FRMD1: variants seen among roughly 807,000 people sequenced by gnomAD.
FRMD1 encodes FERM domain-containing protein 1.
Under a neutral mutation model 54.9 loss-of-function variants are expected in FRMD1, and 51 were observed. That is an observed-to-expected ratio of 0.93 (90% CI 0.74 to 1.17). The LOEUF (loss-of-function observed/expected upper bound fraction) is 1.17, where lower values mean the gene tolerates loss of function less well. FRMD1 is among the 50% of genes most tolerant of loss of function. The pLI, the probability that FRMD1 is intolerant of heterozygous loss-of-function variation, is 0.00. For missense variants in FRMD1, 729 were observed against 743.0 expected, an observed-to-expected ratio of 0.98 and a Z score of 0.22; for synonymous variants, 324 against 306.4, an observed-to-expected ratio of 1.06 and a Z score of -0.60.
At position 168,063,769 on chromosome 6, in the gene FRMD1, C is replaced by A; in HGVS notation, c.649-13G>T. ...TCTTGGTGATGATCTGAGGACAGAG[C>A]CGGGAGGTCAGCTCAGACCCCTGCT... On this transcript the variant is annotated splice_polypyrimidine_tract_variant and intron_variant, in intron 5 of 10. Transcript: ENST00000283309. 2 of 1,604,754 alleles carry A rather than the reference C, an allele frequency of 1.2e-6. No individual in the cohort carries two copies. Among genetic ancestry groups the A allele is most frequent in the Non-Finnish European group, 1.7e-6 (2 of 1,175,282 alleles).
chr6:168,091,034 G>C (rs1801008019), intron 1 of FRMD1, among the ~76,000 whole-genome samples: 1 of 152,216 alleles, frequency 6.6e-6, no homozygotes, highest in South Asian at 2.1e-4. Context: ...TGGGCTCCGT[G>C]GGGAGAAGGT....
intron 4 of FRMD1, 166 bp from the exon 5 acceptor site, chr6:168,065,223 C>G: frequency 7.1e-7 from 1 of 1,409,858 alleles, no homozygotes; most frequent in South Asian, 1.6e-5. Context: ...AGGGCCAGCA[C>G]GGCACAGGCC....
intron 2 of FRMD1, among the ~76,000 whole-genome samples, chr6:168,070,890 C>A (rs1800274194): frequency 6.6e-6 from 1 of 152,216 alleles, no homozygotes; most frequent in Non-Finnish European, 1.5e-5. Flanking sequence ...ACAGGCTCCC[C>A]TGAACCCAGC....
rs200901699 is a variant in FRMD1 at position 168,060,923 on chromosome 6, C to T, written c.1180G>A (p.Gly394Ser). 2.8e-5 allele frequency: 45 copies of T among 1,613,764 alleles called. No individual in the cohort carries two copies. Among genetic ancestry groups the T allele is most frequent in the African/African-American group, 1.3e-4 (10 of 75,058 alleles). Reference protein sequence around the residue: ...CLSRHSADSHGSSYTSGIKAN... With the variant: ...CLSRHSADSHSSSYTSGIKAN... ...TTGATGCCTGACGTGTAGGAACTGC[C>T]GTGGCTGTCGGCGGAGTGGCGTGAG... The change falls in exon 9 of 11, where the codon GGC becomes AGC. Residue 394 changes from glycine to serine, a missense_variant. Gly to Ser is a moderately conservative substitution (Grantham distance 56). Transcript: ENST00000283309.
At chr6:168,075,685 G>T in intron 1 of FRMD1, 1 of 1,397,480 alleles carries the variant, frequency 7.2e-7, no homozygotes, top group East Asian at 2.5e-5. Flanking sequence ...CTCTGTCCTC[G>T]CACGGCACAA....
chr6:168,089,064 C>T (rs1054238742), intron 1 of FRMD1, among the ~76,000 whole-genome samples: 3 of 152,246 alleles, frequency 2.0e-5, no homozygotes, highest in Non-Finnish European at 2.9e-5. Flanking sequence ...TAACTTCATC[C>T]CAGGGCTGGC....
intron 5 of FRMD1, 143 bp from the exon 6 acceptor site, chr6:168,063,899 C>G: frequency 8.6e-6 from 8 of 932,774 alleles, no homozygotes; most frequent in Non-Finnish European, 1.2e-5. Context: ...GCTGCTGAGC[C>G]CAGAACCAGA....
At position 168,062,901 on chromosome 6, in the gene FRMD1, A is replaced by T; in HGVS notation, c.863T>A (p.Ile288Asn). The change falls in exon 7 of 11, where the codon ATC becomes AAC. Residue 288 changes from isoleucine to asparagine, a missense_variant. Transcript: ENST00000283309. ...ILGLALRGVH[I>N]YQGKKLEIQL... ...TGGAGCCCCTTCGGTCACCTGGTAG[A>T]TGTGCACTCCCCTGAGGGCCAGTCC... is the stretch of plus-strand genomic sequence containing the variant. The T allele has an allele frequency of 6.2e-7, 1 of 1,613,786 alleles. No individual in the cohort carries two copies. The highest frequency in any genetic ancestry group is 1.1e-5 in the South Asian group (1 of 91,058).
Position 168,064,865 on chromosome 6 carries a change from C to T in FRMD1, c.648+6G>A. 1 of 1,555,436 alleles carries T rather than the reference C, an allele frequency of 6.4e-7. No individual in the cohort carries two copies. The highest frequency in any genetic ancestry group is 8.7e-7 in the Non-Finnish European group (1 of 1,149,632). On this transcript the variant is annotated splice_donor_region_variant and intron_variant, in intron 5 of 10. Coordinates refer to ENST00000283309, the MANE Select transcript of FRMD1 (RefSeq NM_024919.6). ...AGTGCTGGGAGGAGGTGGGCCCTGA[C>T]CTTACCCACTGTGGGAAGTAGGAGT... is the stretch of plus-strand genomic sequence containing the variant.
chr6:168,067,356 T>C lies in FRMD1; in HGVS notation c.384+11A>G, dbSNP rs752494418. ...GTGCCTGCCCTCTCCCACCCGACAC[T>C]CTACACTTACTTCATTTCTTTCTTT... On this transcript the variant is annotated intron_variant, in intron 3 of 10. Coordinates refer to ENST00000283309, the MANE Select transcript of FRMD1 (RefSeq NM_024919.6). 1.3e-5 allele frequency: 20 copies of C among 1,573,680 alleles called. No individual in the cohort carries two copies. Among genetic ancestry groups the C allele is most frequent in the Non-Finnish European group, 1.7e-5 (20 of 1,153,478 alleles).
chr6:168,061,490 C>G (rs144372597), intron 8 of FRMD1, among the ~76,000 whole-genome samples: 1,783 of 152,318 alleles, frequency 0.012, 37 homozygotes, highest in African/African-American at 0.041. Context: ...GAGGCCTTGT[C>G]GGAACCTGCA....
intron 1 of FRMD1, among the ~76,000 whole-genome samples, chr6:168,090,819 T>A (rs1873340): frequency 6.6e-6 from 1 of 152,156 alleles, no homozygotes; most frequent in African/African-American, 2.4e-5. Context: ...GGTGCTTCCA[T>A]GTGATTCTCA....
intron 2 of FRMD1, among the ~76,000 whole-genome samples, chr6:168,074,179 C>T (rs375647296): frequency 3.9e-5 from 6 of 152,238 alleles, no homozygotes; most frequent in South Asian, 2.1e-4. Context: ...CTCTTCCATG[C>T]GACACAATCC....
At chr6:168,084,721 T>C (rs898370210), upstream of FRMD1, among the ~76,000 whole-genome samples, 1 of 152,236 alleles carries the variant, frequency 6.6e-6, no homozygotes, top group Non-Finnish European at 1.5e-5. Flanking sequence ...TGCGGAATTT[T>C]GTAGGGAAAA....
At chr6:168,084,758 C>T (rs955337865), upstream of FRMD1, among the ~76,000 whole-genome samples, 1 of 152,228 alleles carries the variant, frequency 6.6e-6, no homozygotes, top group Admixed American at 6.5e-5. Flanking sequence ...CTGTGTTATC[C>T]TCCCAAGACC....
upstream of FRMD1, chr6:168,081,574 C>A (rs1432591769): frequency 2.4e-5 from 34 of 1,414,962 alleles, no homozygotes; most frequent in Non-Finnish European, 3.0e-5. Flanking sequence ...CTGCTGAGAA[C>A]ATTCTAGAAC....
At chr6:168,078,031 C>G (rs1800671861) in intron 1 of FRMD1, among the ~76,000 whole-genome samples, 2 of 152,160 alleles carry the variant, frequency 1.3e-5, no homozygotes, top group Non-Finnish European at 2.9e-5. Flanking sequence ...GGACTTGAAC[C>G]AGGATATTAC....
chr6:168,091,989 G>A (rs1027652034), intron 1 of FRMD1, among the ~76,000 whole-genome samples: 22 of 152,214 alleles, frequency 1.4e-4, no homozygotes, highest in African/African-American at 3.1e-4. Context: ...CGGCCTCCCC[G>A]TGAGGTCCTT....
At chr6:168,088,699 C>T (rs1216242004) in intron 1 of FRMD1, among the ~76,000 whole-genome samples, 1 of 152,036 alleles carries the variant, frequency 6.6e-6, no homozygotes, top group Non-Finnish European at 1.5e-5. Flanking sequence ...CCCTGTCACT[C>T]CTGTCCCAGG....
Sources: allele counts gnomAD v4.1 joint callset (sites outside exome capture counted in the v4.1 genomes callset), GRCh38; gene constraint gnomAD v4.1.1; transcripts MANE v1.5; gene names NCBI Gene and HGNC (gene_info 2026-07-23, HGNC 2026-07-21).